GPR137C: variants seen among roughly 807,000 people sequenced by gnomAD.
GPR137C encodes G protein-coupled receptor 137C, also known as integral membrane protein GPR137C.
A neutral mutation model predicts 43.4 loss-of-function variants in GPR137C; 27 were observed. The observed-to-expected ratio is 0.62, with a 90% confidence interval of 0.46 to 0.86. The LOEUF is 0.86. Ranked by LOEUF, GPR137C falls within the 40% of genes least tolerant of loss-of-function variation. GPR137C has a pLI of 0.00. For missense variants in GPR137C, 522 were observed against 534.6 expected, an observed-to-expected ratio of 0.98 and a Z score of 0.23; for synonymous variants, 285 against 226.9, an observed-to-expected ratio of 1.26 and a Z score of -2.30.
At chr14:52,632,644 C>T (rs1320173134) in intron 4 of GPR137C, among the ~76,000 whole-genome samples, 1 of 151,898 alleles carries the variant, frequency 6.6e-6, no homozygotes, top group Non-Finnish European at 1.5e-5. Context: ...TATTATTAGC[C>T]AGTGAATATG....
At chr14:52,562,572 A>G (rs2038301953) in intron 1 of GPR137C, among the ~76,000 whole-genome samples, 1 of 152,182 alleles carries the variant, frequency 6.6e-6, no homozygotes, top group African/African-American at 2.4e-5. Context: ...AGGCCTAGGC[A>G]ATGTATCGAG....
At chr14:52,578,244 G>A (rs1019660697) in intron 1 of GPR137C, among the ~76,000 whole-genome samples, 12 of 152,206 alleles carry the variant, frequency 7.9e-5, no homozygotes, top group Middle Eastern at 3.4e-3. Flanking sequence ...AGACATTCTC[G>A]TATTTTTAAC....
chr14:52,564,355 ATAC>A (rs1347665069), intron 1 of GPR137C, among the ~76,000 whole-genome samples: 4 of 151,352 alleles, frequency 2.6e-5, no homozygotes, highest in Admixed American at 1.3e-4. Flanking sequence ...AGTTCTATGT[ATAC>A]TACAAGTCAC....
chr14:52,557,027 T>A (rs1027143497), intron 1 of GPR137C, among the ~76,000 whole-genome samples: 1 of 152,198 alleles, frequency 6.6e-6, no homozygotes, highest in South Asian at 2.1e-4. Flanking sequence ...TACCAGTAGA[T>A]ATATTCTTAT....
At chr14:52,618,689 A>G (rs1232973594) in intron 3 of GPR137C, among the ~76,000 whole-genome samples, 5 of 152,198 alleles carry the variant, frequency 3.3e-5, no homozygotes, top group African/African-American at 1.2e-4. Context: ...AACGCATGCT[A>G]ATAGAATTAT....
At chr14:52,627,324 T>G (rs146790195) in intron 3 of GPR137C, among the ~76,000 whole-genome samples, 1 of 152,232 alleles carries the variant, frequency 6.6e-6, no homozygotes, top group South Asian at 2.1e-4. Context: ...GCCCAGGAAG[T>G]CAAGGCTGCA....
intron 1 of GPR137C, among the ~76,000 whole-genome samples, chr14:52,584,335 T>C (rs1200186200): frequency 6.6e-6 from 1 of 152,184 alleles, no homozygotes; most frequent in East Asian, 1.9e-4. Context: ...GGGAAACTTT[T>C]AAAGGCAAAA....
At chr14:52,627,939 A>G (rs749579930) in intron 3 of GPR137C, among the ~76,000 whole-genome samples, 22 of 152,346 alleles carry the variant, frequency 1.4e-4, no homozygotes, top group Non-Finnish European at 2.8e-4. Context: ...ACCATTCAGT[A>G]TGATAGCTAG....
intron 3 of GPR137C, among the ~76,000 whole-genome samples, chr14:52,601,537 CAAAG>C (rs1486948384): frequency 2.0e-5 from 3 of 150,762 alleles, no homozygotes; most frequent in Admixed American, 1.3e-4. Context: ...AGAGAAGAGA[CAAAG>C]AAAATCAGAC....
At chr14:52,605,802 A>G (rs535542522) in intron 3 of GPR137C, among the ~76,000 whole-genome samples, 2 of 152,282 alleles carry the variant, frequency 1.3e-5, no homozygotes, top group East Asian at 1.9e-4. Context: ...TGAAATGAAC[A>G]TGTGGTTTTT....
At chr14:52,586,537 C>CT (rs891522723) in intron 1 of GPR137C, among the ~76,000 whole-genome samples, 1 of 152,196 alleles carries the variant, frequency 6.6e-6, no homozygotes, top group Non-Finnish European at 1.5e-5. Context: ...AACTACTCTG[C>CT]TGTTTTCTAT....
intron 1 of GPR137C, among the ~76,000 whole-genome samples, chr14:52,565,512 A>T (rs1445477511): frequency 6.6e-6 from 1 of 152,166 alleles, no homozygotes; most frequent in South Asian, 2.1e-4. Flanking sequence ...TTGCCCCACT[A>T]TACTACATAT....
In GPR137C at chr14:52,553,362, T is replaced by C; in HGVS notation, c.215T>C (p.Leu72Pro). ...GCCTACCTGCAGCTGTGGCGGCTGCTCCTGTACCGCGAGCGGCGGCTGAGT... is the reference window on the plus strand; with the variant it reads ...GCCTACCTGCAGCTGTGGCGGCTGCCCCTGTACCGCGAGCGGCGGCTGAGT... ...AFAYLQLWRL[L>P]LYRERRLSYQ... The change falls in exon 1 of 7, where the codon CTC becomes CCC. Residue 72 changes from leucine to proline, a missense_variant. By Grantham distance (98) the Leu-to-Pro change is moderately conservative (BLOSUM62 -3). Around this residue, in one of 3 missense-constraint regions of GPR137C, gnomAD observed 437 missense variants for 425.7 expected, o/e 1.03. Transcript: ENST00000321662. 6.2e-7 allele frequency: 1 copy of C among 1,604,052 alleles called. No individual in the cohort carries two copies. Among genetic ancestry groups the C allele is most frequent in the Non-Finnish European group, 8.5e-7 (1 of 1,179,024 alleles).
At chr14:52,567,367 A>AT (rs2038386997) in intron 1 of GPR137C, among the ~76,000 whole-genome samples, 1 of 152,152 alleles carries the variant, frequency 6.6e-6, no homozygotes, top group African/African-American at 2.4e-5. Flanking sequence ...TAAAATTAAG[A>AT]TTTTCCTCTG....
rs913903618 is a variant in GPR137C at position 52,574,475 on chromosome 14, C to G, written c.444+20884C>G. 3.3e-5 allele frequency among the ~76,000 whole-genome samples: 5 copies of G among 152,112 alleles called. No homozygotes were observed. The South Asian group carries it at 1.0e-3, about 32-fold the overall frequency. ...CAGCAGACTAACACAGGAATGAAAA[C>G]CAAACACTGCACATTCTCATAGGTG... On this transcript the variant is annotated intron_variant, in intron 1 of 6. Coordinates refer to ENST00000321662, the MANE Select transcript of GPR137C (RefSeq NM_001099652.2).
At chr14:52,600,858 T>C (rs893917727) in intron 3 of GPR137C, among the ~76,000 whole-genome samples, 4 of 152,158 alleles carry the variant, frequency 2.6e-5, no homozygotes, top group Non-Finnish European at 5.9e-5. Context: ...TTTTGCACAA[T>C]AAGGGTGGCA....
intron 1 of GPR137C, among the ~76,000 whole-genome samples, chr14:52,568,575 A>G (rs2038410677): frequency 6.6e-6 from 1 of 152,192 alleles, no homozygotes; most frequent in Admixed American, 6.5e-5. Flanking sequence ...TGCTACCAGC[A>G]CAGCGAGACC....
chr14:52,633,854 C>T lies in GPR137C; in HGVS notation c.1020C>T (p.His340=). 1.2e-6 allele frequency: 2 copies of T among 1,612,088 alleles called. No individual in the cohort carries two copies. The highest frequency in any genetic ancestry group is 1.7e-6 in the Non-Finnish European group (2 of 1,178,422). The part of the protein sequence containing the change: ...NLAPAGMINS[H]SYSSRAYFFD... ...CACCTGCTGGCATGATAAATAGTCA[C>T]AGTTATAGTTCCAGAGCTTACTTTT... The change falls in exon 6 of 7, where the codon CAC becomes CAT. Residue 340 remains histidine (H), a synonymous_variant. Transcript: ENST00000321662.
At chr14:52,633,379 C>A in intron 4 of GPR137C, 151 bp from the exon 5 acceptor site, 1 of 580,004 alleles carries the variant, frequency 1.7e-6, no homozygotes, top group Non-Finnish European at 2.9e-6. Flanking sequence ...AGTGTCATTT[C>A]ATGAGAAACC....
Sources: gnomAD v4.1 joint callset for allele counts (sites outside exome capture counted in the v4.1 genomes callset) on GRCh38, gnomAD v4.1.1 for gene constraint, gnomAD v4.1.1 regional missense constraint, MANE v1.5 for transcripts, NCBI Gene and HGNC (gene_info 2026-07-23, HGNC 2026-07-21) for gene names.